Variants in PALM2AKAP2 observed in about 807,000 individuals in gnomAD.
PALM2AKAP2 encodes the protein PALM2-AKAP2 fusion protein.
A neutral mutation model predicts 71.5 loss-of-function variants in PALM2AKAP2; 37 were observed. The observed-to-expected ratio is 0.52, with a 90% CI of 0.40 to 0.68. The LOEUF (loss-of-function observed/expected upper bound fraction) is 0.68, where lower values mean the gene tolerates loss of function less well. Ranked by LOEUF, PALM2AKAP2 falls within the 30% of genes least tolerant of loss-of-function variation. The pLI, the probability that PALM2AKAP2 is intolerant of heterozygous loss-of-function variation, is 0.00. For missense variants in PALM2AKAP2, 1,224 were observed against 1,191.8 expected, an observed-to-expected ratio of 1.03 and a Z score of -0.40; for synonymous variants, 468 against 478.8, an observed-to-expected ratio of 0.98 and a Z score of 0.29.
chr9:110,057,920 C>A (rs531495093), intron 1 of PALM2AKAP2, among the ~76,000 whole-genome samples: 11 of 152,334 alleles, frequency 7.2e-5, no homozygotes, highest in Admixed American at 2.6e-4. Context: ...GCATCCTGGC[C>A]AAGACTCAGG....
intron 6 of PALM2AKAP2, among the ~76,000 whole-genome samples, chr9:109,988,623 G>A (rs527237017): frequency 6.6e-5 from 5 of 75,644 alleles, no homozygotes; most frequent in Non-Finnish European, 1.9e-4. Context: ...AGGAAGGATC[G>A]AAGGGAGGGA....
intron 6 of PALM2AKAP2, among the ~76,000 whole-genome samples, chr9:109,932,793 T>A (rs1831135632): frequency 6.6e-6 from 1 of 152,192 alleles, no homozygotes; most frequent in Non-Finnish European, 1.5e-5. Context: ...GGTTGCATGG[T>A]TAGTTACAAC....
At chr9:109,682,320 CT>C (rs1827748661) in intron 1 of PALM2AKAP2, among the ~76,000 whole-genome samples, 1 of 152,206 alleles carries the variant, frequency 6.6e-6, no homozygotes, top group Admixed American at 6.5e-5. Context: ...TTCTGGATCA[CT>C]TTGCTTCATT....
chr9:109,678,908 G>A (rs185516818), intron 1 of PALM2AKAP2, among the ~76,000 whole-genome samples: 2 of 152,256 alleles, frequency 1.3e-5, no homozygotes, highest in East Asian at 1.9e-4. Context: ...GAGATACAAC[G>A]TGCAAAGGCT....
chr9:109,664,154 TG>T lies in PALM2AKAP2; in HGVS notation c.5+23289del, dbSNP rs565072571. 4.1e-3 allele frequency among the ~76,000 whole-genome samples: 632 copies of T among 152,352 alleles called. 4 individuals are homozygous for T. The highest frequency in any genetic ancestry group is 0.015 in the African/African-American group (607 of 41,576). ...TGACTCTTTCTCCAATTTGCCAGTC[TG>T]TGTCTTTTAATTGGGGCATTTAGCC... On this transcript the variant is annotated intron_variant, in intron 1 of 6. Transcript: ENST00000374531.
upstream of PALM2AKAP2, among the ~76,000 whole-genome samples, chr9:110,043,713 GGT>G (rs1491012266): frequency 9.5e-6 from 1 of 105,060 alleles, no homozygotes; most frequent in East Asian, 2.5e-4. Flanking sequence ...CGTTTTTTTT[GGT>G]GTTTTTTTTT....
At chr9:109,932,314 C>A (rs1831125041) in intron 6 of PALM2AKAP2, among the ~76,000 whole-genome samples, 2 of 152,188 alleles carry the variant, frequency 1.3e-5, no homozygotes, top group South Asian at 4.1e-4. Context: ...TGTTTATTCT[C>A]AAAGTTAATC....
At chr9:110,091,459 CTTTT>C (rs66848294) in intron 1 of PALM2AKAP2, among the ~76,000 whole-genome samples, 9 of 83,654 alleles carry the variant, frequency 1.1e-4, no homozygotes, top group Admixed American at 3.4e-4. Flanking sequence ...GAGATTTATT[CTTTT>C]TTTTTTTTTT....
At chr9:109,719,998 T>G (rs908397359) in intron 1 of PALM2AKAP2, among the ~76,000 whole-genome samples, 15 of 152,024 alleles carry the variant, frequency 9.9e-5, no homozygotes, top group Non-Finnish European at 2.1e-4. Flanking sequence ...TTATTCCTTT[T>G]TTTTTTTTGA....
chr9:109,831,251 G>A (rs10816891), intron 1 of PALM2AKAP2, among the ~76,000 whole-genome samples: 23,859 of 151,524 alleles, frequency 0.16, 2,475 homozygotes, highest in East Asian at 0.34. Flanking sequence ...CACTTATAGC[G>A]ATGTGTGCCT....
intron 3 of PALM2AKAP2, among the ~76,000 whole-genome samples, chr9:109,906,207 G>A (rs1051189827): frequency 3.3e-5 from 5 of 152,036 alleles, no homozygotes; most frequent in East Asian, 1.9e-4. Context: ...ACAATTTTGC[G>A]GGGGTAGGGG....
chr9:110,143,081 A>G (rs201034506), intron 2 of PALM2AKAP2, among the ~76,000 whole-genome samples: 3 of 114,040 alleles, frequency 2.6e-5, no homozygotes, highest in East Asian at 5.9e-4. Context: ...TGCTCCCAAT[A>G]GTGTGTGCAT....
intron 6 of PALM2AKAP2, among the ~76,000 whole-genome samples, chr9:109,970,341 C>T (rs577115028): frequency 4.6e-5 from 7 of 152,236 alleles, no homozygotes; most frequent in South Asian, 2.1e-4. Context: ...ACTTGGTCAC[C>T]GATCAGTAAC....
chr9:109,995,903 G>A lies in PALM2AKAP2; in HGVS notation c.497-20051G>A, dbSNP rs540255998. Among the ~76,000 whole-genome samples the A allele has an allele frequency of 2.6e-4, 40 of 152,328 alleles. No individual in the cohort carries two copies. In the South Asian group the frequency reaches 7.9e-3, roughly 30 times the overall value. ...AACTGGTGCACTTGCCATGAGGATGGAGAGGAAGGATGAGGCAGGAAAGAT... is the reference window on the plus strand; with the variant it reads ...AACTGGTGCACTTGCCATGAGGATGAAGAGGAAGGATGAGGCAGGAAAGAT... On this transcript the variant is annotated intron_variant, in intron 6 of 9. Transcript: ENST00000302798.
intron 6 of PALM2AKAP2, 91 bp downstream of exon 6, chr9:109,932,119 T>C: frequency 3.0e-6 from 4 of 1,322,578 alleles, no homozygotes; most frequent in Non-Finnish European, 4.0e-6. Context: ...CTGCTATCCT[T>C]ACATAGGGGG....
At chr9:110,064,928 T>A (rs1834044758) in intron 1 of PALM2AKAP2, among the ~76,000 whole-genome samples, 1 of 152,202 alleles carries the variant, frequency 6.6e-6, no homozygotes, top group Admixed American at 6.5e-5. Flanking sequence ...AAAGACATAC[T>A]TTCTTGGGAG....
At chr9:109,978,370 C>T (rs776773271) in intron 6 of PALM2AKAP2, among the ~76,000 whole-genome samples, 17 of 152,130 alleles carry the variant, frequency 1.1e-4, no homozygotes, top group Non-Finnish European at 2.4e-4. Flanking sequence ...TTCACCCCCA[C>T]CCCCAACCAA....
chr9:109,729,045 C>T (rs904982985), intron 1 of PALM2AKAP2, among the ~76,000 whole-genome samples: 4 of 152,152 alleles, frequency 2.6e-5, no homozygotes, highest in Admixed American at 1.3e-4. Flanking sequence ...TTGGCTGCTA[C>T]GTTTTTTCAA....
intron 1 of PALM2AKAP2, among the ~76,000 whole-genome samples, chr9:110,095,857 A>T (rs1834823577): frequency 6.6e-6 from 1 of 152,204 alleles, no homozygotes; most frequent in Non-Finnish European, 1.5e-5. Context: ...CATCTTGGCC[A>T]GGCCGCTTCT....
Sources: allele counts gnomAD v4.1 joint callset (sites outside exome capture counted in the v4.1 genomes callset), GRCh38; gene constraint gnomAD v4.1.1; transcripts MANE v1.5; gene names NCBI Gene and HGNC (gene_info 2026-07-23, HGNC 2026-07-21).